The following EPB41L4A variants were observed in gnomAD, a reference collection of about 807,000 sequenced individuals.
The protein encoded by EPB41L4A is erythrocyte membrane protein band 4.1 like 4A, also known as band 4.1-like protein 4A.
A neutral mutation model predicts 108.6 loss-of-function variants in EPB41L4A; 100 were observed. That is an observed-to-expected ratio of 0.92 (90% CI 0.78 to 1.09). The LOEUF is 1.09. Ranked by LOEUF, EPB41L4A falls within the 50% of genes least tolerant of loss-of-function variation. The pLI, the probability that EPB41L4A is intolerant of heterozygous loss-of-function variation, is 0.00. For synonymous variants in EPB41L4A, 319 were observed against 289.0 expected (o/e 1.10, Z -1.05); for missense variants, 1,030 against 842.7 (o/e 1.22, Z -2.75).
chr5:112,371,953 G>A (rs1237016293), intron 1 of EPB41L4A, among the ~76,000 whole-genome samples: 1 of 152,128 alleles, frequency 6.6e-6, no homozygotes. Context: ...TACTCAGCAG[G>A]CTAAAATAGT....
chr5:112,191,828 C>T (rs1381396267), intron 17 of EPB41L4A, among the ~76,000 whole-genome samples: 1 of 152,080 alleles, frequency 6.6e-6, no homozygotes, highest in Non-Finnish European at 1.5e-5. Context: ...CAAATTTGCC[C>T]GGTAGTTGTC....
In EPB41L4A at chr5:112,164,848, AGAAGC is replaced by A; in HGVS notation, c.*137_*141del. ...TAACATCTCAAAAAAAAAAAAAAAAAGAAGCAAAAGATAATGTATTTTCTCATGCT... is the reference window on the plus strand; with the variant it reads ...TAACATCTCAAAAAAAAAAAAAAAAAAAAAGATAATGTATTTTCTCATGCT... On this transcript the variant is annotated 3_prime_UTR_variant, in exon 23 of 23. Transcript: ENST00000261486. 1.8e-5 allele frequency: 16 copies of A among 911,792 alleles called. No individual in the cohort carries two copies. Among genetic ancestry groups the A allele is most frequent in the Admixed American group, 6.1e-5 (2 of 32,544 alleles). The allele number at this position is 911,792 out of a possible 1,614,324, so 56.5% of individuals were successfully genotyped here.
chr5:112,311,390 TAA>T (rs1755039457), intron 1 of EPB41L4A, among the ~76,000 whole-genome samples: 1 of 152,196 alleles, frequency 6.6e-6, no homozygotes, highest in Admixed American at 6.5e-5. Flanking sequence ...CAAGGATTCC[TAA>T]AATAAATTCT....
At chr5:112,307,521 A>T (rs1754773155) in intron 1 of EPB41L4A, 31 bp from the exon 2 acceptor site, 1 of 1,490,314 alleles carries the variant, frequency 6.7e-7, no homozygotes, top group Non-Finnish European at 9.3e-7. Context: ...TATATTTTTT[A>T]ACTGCCCTTT....
At chr5:112,371,481 C>T (rs1269082775) in intron 1 of EPB41L4A, among the ~76,000 whole-genome samples, 1 of 152,156 alleles carries the variant, frequency 6.6e-6, no homozygotes, top group Non-Finnish European at 1.5e-5. Context: ...CCCCACTTCC[C>T]TCCGTTCCTC....
At chr5:112,207,955 A>T (rs1291939668) in intron 13 of EPB41L4A, among the ~76,000 whole-genome samples, 1 of 152,192 alleles carries the variant, frequency 6.6e-6, no homozygotes. Flanking sequence ...ATTCTACAAA[A>T]AAAGACATAT....
chr5:112,205,882 T>C (rs1762448860), intron 13 of EPB41L4A: 1 of 196,084 alleles, frequency 5.1e-6, no homozygotes, highest in Admixed American at 5.7e-5. Flanking sequence ...GCTCCCTTTT[T>C]ACAACAGTGA....
At chr5:112,361,258 T>G (rs1758734333) in intron 1 of EPB41L4A, among the ~76,000 whole-genome samples, 1 of 152,224 alleles carries the variant, frequency 6.6e-6, no homozygotes, top group South Asian at 2.1e-4. Flanking sequence ...CTGTGTCCAC[T>G]AAGGGTTAAA....
intron 2 of EPB41L4A, among the ~76,000 whole-genome samples, chr5:112,285,216 G>C (rs1215329373): frequency 1.3e-5 from 2 of 152,058 alleles, no homozygotes; most frequent in Non-Finnish European, 2.9e-5. Context: ...GTTTCCTGTA[G>C]GCCAAATAAA....
intron 11 of EPB41L4A, among the ~76,000 whole-genome samples, chr5:112,238,823 G>T (rs1198383117): frequency 6.6e-6 from 1 of 152,086 alleles, no homozygotes; most frequent in Non-Finnish European, 1.5e-5. Flanking sequence ...CACATCACAG[G>T]CTCTCTCCAT....
intron 2 of EPB41L4A, among the ~76,000 whole-genome samples, chr5:112,293,338 T>TAGTTATTTTTCCTCATCC (rs1418262473): frequency 7.7e-6 from 1 of 129,276 alleles, no homozygotes; most frequent in Non-Finnish European, 1.6e-5. Flanking sequence ...TGGTACCCAT[T>TAGTTATTTTTCCTCATCC]AGTTATTTTT....
intron 3 of EPB41L4A, among the ~76,000 whole-genome samples, chr5:112,278,373 T>G (rs1017652514): frequency 6.6e-6 from 1 of 151,650 alleles, no homozygotes; most frequent in African/African-American, 2.4e-5. Flanking sequence ...TGCCTCAGCC[T>G]CCCGAATAGC....
chr5:112,279,016 G>A (rs2150502254), intron 3 of EPB41L4A, among the ~76,000 whole-genome samples: 1 of 141,138 alleles, frequency 7.1e-6, no homozygotes, highest in African/African-American at 2.7e-5. Context: ...AGTGAGCCAA[G>A]AGCTCGCCAC....
chr5:112,286,580 C>T (rs1240587106), intron 2 of EPB41L4A, among the ~76,000 whole-genome samples: 2 of 152,184 alleles, frequency 1.3e-5, no homozygotes, highest in African/African-American at 2.4e-5. Flanking sequence ...ATCCTGGCCC[C>T]GTCGACCAAC....
intron 1 of EPB41L4A, among the ~76,000 whole-genome samples, chr5:112,358,139 T>C (rs1758485647): frequency 6.6e-6 from 1 of 152,206 alleles, no homozygotes; most frequent in South Asian, 2.1e-4. Context: ...ATGGCAACAT[T>C]CCCCTGGAAG....
At chr5:112,191,229 G>A (rs940131559) in intron 17 of EPB41L4A, among the ~76,000 whole-genome samples, 1 of 152,154 alleles carries the variant, frequency 6.6e-6, no homozygotes, top group Non-Finnish European at 1.5e-5. Context: ...AAAGAAGCAG[G>A]GTGAATTACT....
At chr5:112,410,308 A>C (rs1762333294) in intron 1 of EPB41L4A, among the ~76,000 whole-genome samples, 1 of 152,188 alleles carries the variant, frequency 6.6e-6, no homozygotes, top group Non-Finnish European at 1.5e-5. Flanking sequence ...CTAGGAATTT[A>C]ACCCAAGCAC....
At chr5:112,181,263 A>G (rs1761134576) in intron 18 of EPB41L4A, among the ~76,000 whole-genome samples, 1 of 151,800 alleles carries the variant, frequency 6.6e-6, no homozygotes, top group Non-Finnish European at 1.5e-5. Context: ...CATCCTGGCT[A>G]ACACGGTGAA....
chr5:112,350,415 T>C (rs1422446400), intron 1 of EPB41L4A, among the ~76,000 whole-genome samples: 1 of 152,230 alleles, frequency 6.6e-6, no homozygotes, highest in Non-Finnish European at 1.5e-5. Context: ...GCATAAAATG[T>C]GTAATGATCA....
Sources: allele counts gnomAD v4.1 joint callset (sites outside exome capture counted in the v4.1 genomes callset), GRCh38; gene constraint gnomAD v4.1.1; transcripts MANE v1.5; gene names NCBI Gene and HGNC (gene_info 2026-07-23, HGNC 2026-07-21).